Variants in UST observed in about 807,000 individuals in gnomAD.
UST encodes the protein chondroitin sulfate 2-O-sulfotransferase.
A neutral mutation model predicts 45.6 loss-of-function variants in UST; 21 were observed. The ratio of observed to expected loss-of-function variants is 0.46; its 90% CI spans 0.33 to 0.66. UST has a LOEUF of 0.66. UST is among the 30% of genes least tolerant of loss of function. The pLI is 0.02. For missense variants in UST, 463 were observed against 512.4 expected, an observed-to-expected ratio of 0.90 and a Z score of 0.93; for synonymous variants, 215 against 200.6, an observed-to-expected ratio of 1.07 and a Z score of -0.61.
chr6:148,881,990 C>T (rs1393621398), intron 1 of UST, among the ~76,000 whole-genome samples: 1 of 152,138 alleles, frequency 6.6e-6, no homozygotes. Context: ...AAAGAAATAC[C>T]TTCTGTCTAT....
chr6:148,845,348 CT>C (rs1383039252), intron 1 of UST, among the ~76,000 whole-genome samples: 1 of 152,084 alleles, frequency 6.6e-6, no homozygotes, highest in African/African-American at 2.4e-5. Context: ...AGTATGTATT[CT>C]TTTTTCTCTT....
chr6:148,900,924 C>T (rs1189676544), intron 2 of UST, among the ~76,000 whole-genome samples: 1 of 152,200 alleles, frequency 6.6e-6, no homozygotes. Flanking sequence ...TCTCCTTTAT[C>T]TTCAAGGCCA....
intron 7 of UST, among the ~76,000 whole-genome samples, chr6:149,028,563 A>T (rs1776085024): frequency 6.6e-6 from 1 of 152,236 alleles, no homozygotes; most frequent in Non-Finnish European, 1.5e-5. Context: ...AGGAAATCTC[A>T]TGCCTTTAAG....
At chr6:148,854,675 G>A (rs563717265) in intron 1 of UST, among the ~76,000 whole-genome samples, 3 of 152,192 alleles carry the variant, frequency 2.0e-5, no homozygotes, top group African/African-American at 7.2e-5. Flanking sequence ...AGCAAGGATA[G>A]CTGGGGGAGG....
At chr6:148,810,808 T>A (rs1777244265) in intron 1 of UST, among the ~76,000 whole-genome samples, 2 of 152,334 alleles carry the variant, frequency 1.3e-5, no homozygotes, top group South Asian at 4.1e-4. Flanking sequence ...GTGTTAAAAC[T>A]ACTTCTCAAA....
intron 7 of UST, among the ~76,000 whole-genome samples, chr6:149,034,841 TCTCTCTCTCTCTCTCTCTC>T: frequency 1.1e-4 from 1 of 9,026 alleles, no homozygotes; most frequent in African/African-American, 7.4e-4. Context: ...TCATTCTCTC[TCTCTCTCTCTCTCTCTCTC>T]TCTCTCTCTC....
At chr6:148,750,654 G>A (rs986089073) in intron 1 of UST, among the ~76,000 whole-genome samples, 2 of 152,138 alleles carry the variant, frequency 1.3e-5, no homozygotes, top group East Asian at 1.9e-4. Context: ...GGCTAAAAAC[G>A]ATCCATCACA....
chr6:149,066,470 A>G (rs1338032703), intron 7 of UST, among the ~76,000 whole-genome samples: 1 of 152,082 alleles, frequency 6.6e-6, no homozygotes, highest in African/African-American at 2.4e-5. Flanking sequence ...GAGGGAGAGA[A>G]GGAAACTCCA....
intron 7 of UST, among the ~76,000 whole-genome samples, chr6:149,028,900 A>T (rs1482823566): frequency 6.6e-6 from 1 of 152,218 alleles, no homozygotes; most frequent in Non-Finnish European, 1.5e-5. Flanking sequence ...ATAGAATGAT[A>T]ATAGAGTTTT....
chr6:148,971,454 A>G (rs1239307520), intron 5 of UST, among the ~76,000 whole-genome samples: 3 of 152,222 alleles, frequency 2.0e-5, no homozygotes, highest in South Asian at 4.1e-4. Context: ...TAGTGGCTGC[A>G]TCACATCCTA....
Position 148,963,718 on chromosome 6 carries a change from C to A in UST, c.528-692C>A, listed in dbSNP as rs559893637. 2.6e-5 allele frequency among the ~76,000 whole-genome samples: 4 copies of A among 152,302 alleles called. No individual in the cohort carries two copies. In the East Asian group the frequency reaches 7.7e-4, roughly 29 times the overall value. On this transcript the variant is annotated intron_variant, in intron 4 of 7. Transcript: ENST00000367463. ...GATTCTAGAGCCAGATTGCCTGGAC[C>A]CATATCCTAGTTCAGCTACAAGTTA... is the stretch of plus-strand genomic sequence containing the variant.
chr6:148,984,789 A>G (rs1781209262), intron 5 of UST, among the ~76,000 whole-genome samples: 1 of 152,354 alleles, frequency 6.6e-6, no homozygotes, highest in African/African-American at 2.4e-5. Context: ...GATTACAGGC[A>G]TGAGCCACTG....
In UST at chr6:148,754,197, T is replaced by C. The variant is rs559533528; in HGVS notation, c.247+6520T>C. ...TTTTTTAGTAGAGATGGGGTTTCAC[T>C]GTGTTAGCCAGGATGGTCTCGATCT... On this transcript the variant is annotated intron_variant, in intron 1 of 7. Coordinates refer to ENST00000367463, the MANE Select transcript of UST (RefSeq NM_005715.3). 1.1e-4 allele frequency among the ~76,000 whole-genome samples: 17 copies of C among 152,122 alleles called. No homozygotes were observed. In the South Asian group the frequency reaches 1.2e-3, roughly 11 times the overall value.
chr6:148,819,525 C>T (rs995961474), intron 1 of UST, among the ~76,000 whole-genome samples: 1 of 152,170 alleles, frequency 6.6e-6, no homozygotes, highest in Non-Finnish European at 1.5e-5. Flanking sequence ...TTCTTATTCA[C>T]CTACTGACAA....
chr6:149,014,558 G>A (rs886292021), intron 5 of UST, among the ~76,000 whole-genome samples: 3 of 152,194 alleles, frequency 2.0e-5, no homozygotes, highest in Non-Finnish European at 4.4e-5. Flanking sequence ...GCAGTGAATG[G>A]CCAGCATGGA....
chr6:148,802,453 G>T (rs146531711), intron 1 of UST, among the ~76,000 whole-genome samples: 389 of 152,334 alleles, frequency 2.6e-3, no homozygotes, highest in African/African-American at 9.1e-3. Context: ...AATGGAGCAA[G>T]ACTTTGATGG....
At chr6:148,854,686 G>A (rs1036310796) in intron 1 of UST, among the ~76,000 whole-genome samples, 8 of 152,050 alleles carry the variant, frequency 5.3e-5, no homozygotes, top group African/African-American at 1.9e-4. Context: ...CTGGGGGAGG[G>A]CTGAGCTTCT....
intron 1 of UST, among the ~76,000 whole-genome samples, chr6:148,824,742 A>T (rs1215631458): frequency 7.1e-6 from 1 of 141,048 alleles, no homozygotes; most frequent in African/African-American, 2.7e-5. Context: ...GGTTAGTTAC[A>T]TATGTATACA....
intron 2 of UST, among the ~76,000 whole-genome samples, chr6:148,916,225 C>A (rs901187830): frequency 6.6e-6 from 1 of 152,102 alleles, no homozygotes; most frequent in Admixed American, 6.5e-5. Context: ...TATTACTAGC[C>A]ATTTTACGGA....
Sources: gnomAD v4.1 joint callset for allele counts (sites outside exome capture counted in the v4.1 genomes callset) on GRCh38, gnomAD v4.1.1 for gene constraint, MANE v1.5 for transcripts, NCBI Gene and HGNC (gene_info 2026-07-23, HGNC 2026-07-21) for gene names.